RP2: variants seen among roughly 807,000 people sequenced by gnomAD.
The protein encoded by RP2 is protein XRP2.
In RP2, 3 loss-of-function variants were observed where a neutral mutation model predicts 20.3. The observed-to-expected ratio is 0.15, with a 90% CI of 0.07 to 0.38. RP2 has a LOEUF of 0.38. RP2 is among the 10% of genes least tolerant of loss of function. The probability of loss-of-function intolerance (pLI) is 1.00; values close to 1 mark genes in which losing one functional copy is unlikely to be tolerated. For synonymous variants in RP2, 75 were observed against 94.8 expected (o/e 0.79, Z 1.22); for missense variants, 233 against 268.5 (o/e 0.87, Z 0.92).
At chrX:46,844,165 AT>A (rs1385459134) in intron 1 of RP2, among the ~76,000 whole-genome samples, 3 of 111,713 alleles carry the variant, frequency 2.7e-5, no homozygotes, top group South Asian at 3.7e-4. Context: ...AGCTTAGTAC[AT>A]TTTTTTTATT....
intron 1 of RP2, among the ~76,000 whole-genome samples, chrX:46,839,268 AGGGC>A (rs2147075348): frequency 9.0e-6 from 1 of 111,516 alleles, no homozygotes; most frequent in African/African-American, 3.3e-5. Flanking sequence ...ATTTTTTTCT[AGGGC>A]CAGGCATGGT....
At chrX:46,869,059 A>G (rs782581642) in intron 3 of RP2, among the ~76,000 whole-genome samples, 1 of 110,506 alleles carries the variant, frequency 9.0e-6, no homozygotes, top group South Asian at 3.9e-4. Flanking sequence ...AGATCACATC[A>G]CTGCACTCCA....
intron 3 of RP2, among the ~76,000 whole-genome samples, chrX:46,872,219 A>C (rs1022389161): frequency 2.7e-5 from 3 of 112,534 alleles, no homozygotes; most frequent in Admixed American, 1.9e-4. Flanking sequence ...GTAAAGATTT[A>C]TCTTTTTTTC....
At chrX:46,871,680 G>A (rs782339781) in intron 3 of RP2, among the ~76,000 whole-genome samples, 1 of 111,988 alleles carries the variant, frequency 8.9e-6, no homozygotes, top group East Asian at 2.8e-4. Context: ...TTGCTTGGTT[G>A]AATTTTCTAT....
chrX:46,842,167 G>T (rs964320671), intron 1 of RP2, among the ~76,000 whole-genome samples: 7 of 112,056 alleles, frequency 6.2e-5, no homozygotes, highest in Non-Finnish European at 9.4e-5. Context: ...TGCCTGCCTC[G>T]ACCTCTCAAA....
At position 46,840,225 on chromosome X, in the gene RP2, C is replaced by T. The variant is rs1026310461; in HGVS notation, c.102+3023C>T. ...GAACTCCTGACCTCAGGTGATCCAC[C>T]TGCCTCAGCCTCCCAAAGTGCTGGG... On this transcript the variant is annotated intron_variant, in intron 1 of 4. Coordinates refer to ENST00000218340, the MANE Select transcript of RP2 (RefSeq NM_006915.3). Among the ~76,000 whole-genome samples, 8 of 112,416 alleles carry T rather than the reference C, an allele frequency of 7.1e-5. No individual in the cohort carries two copies. In the Admixed American group the frequency reaches 7.5e-4, roughly 11 times the overall value.
chrX:46,865,925 C>CAA (rs782061830), intron 3 of RP2, among the ~76,000 whole-genome samples: 1 of 76,094 alleles, frequency 1.3e-5, no homozygotes, highest in Non-Finnish European at 2.6e-5. Context: ...GACTCTGTCT[C>CAA]AAAAAAAAAA....
intron 3 of RP2, among the ~76,000 whole-genome samples, chrX:46,864,680 A>C (rs781894493): frequency 4.5e-5 from 5 of 111,578 alleles, no homozygotes; most frequent in Non-Finnish European, 9.4e-5. Flanking sequence ...TAAAGTGCTG[A>C]GATTATAGGC....
chrX:46,849,162 G>A (rs782246176), intron 1 of RP2, among the ~76,000 whole-genome samples: 6 of 110,587 alleles, frequency 5.4e-5, no homozygotes, highest in Non-Finnish European at 7.6e-5. Context: ...GCAAAATTAC[G>A]AAGGATTTCA....
At chrX:46,847,929 CATATATATATATAT>C (rs10533014) in intron 1 of RP2, among the ~76,000 whole-genome samples, 1 of 82,382 alleles carries the variant, frequency 1.2e-5, no homozygotes, top group South Asian at 6.7e-4. Flanking sequence ...TGTGTATATA[CATATATATATATAT>C]ATATATATAT....
At chrX:46,871,586 T>C (rs1430957823) in intron 3 of RP2, among the ~76,000 whole-genome samples, 1 of 112,509 alleles carries the variant, frequency 8.9e-6, no homozygotes, top group Non-Finnish European at 1.9e-5. Context: ...CTGTTTTTTA[T>C]ATTAAAATGT....
At chrX:46,878,701 T>C (rs905854858) in intron 4 of RP2, among the ~76,000 whole-genome samples, 1 of 111,370 alleles carries the variant, frequency 9.0e-6, no homozygotes, top group Non-Finnish European at 1.9e-5. Context: ...GGTTAGAATT[T>C]GGACTTTTAG....
At position 46,880,709 on chromosome X, in the gene RP2, T is replaced by G. The variant is rs1217800126; in HGVS notation, c.*940T>G. 1.8e-5 allele frequency: 2 copies of G among 112,316 alleles called. No individual in the cohort carries two copies. Among genetic ancestry groups the G allele is most frequent in the Non-Finnish European group, 3.8e-5 (2 of 53,266 alleles). The allele number at this position is 112,316 out of a possible 1,213,427, so 9.3% of individuals were successfully genotyped here. A position where few individuals can be genotyped will look rare whatever the true frequency, so the allele number is the denominator to read the frequency against. On this transcript the variant is annotated 3_prime_UTR_variant, in exon 5 of 5. Transcript: ENST00000218340. The stretch of plus-strand genomic sequence containing the variant: ...CATTAGATATGCCATTCATATCAAG[T>G]AATGTTCAAGTATGATAAAATTATT...
rs1418109841 is a variant in RP2 at position 46,877,788 on chromosome X, T to G, written c.969+198T>G. ...TGATAAATAATTGGGAACTAAGCTGTGATTTTTTTCTTGCCAAACTAAACT... is the reference window on the plus strand; with the variant it reads ...TGATAAATAATTGGGAACTAAGCTGGGATTTTTTTCTTGCCAAACTAAACT... On this transcript the variant is annotated intron_variant, in intron 4 of 4. Coordinates refer to ENST00000218340, the MANE Select transcript of RP2 (RefSeq NM_006915.3). 2.7e-5 allele frequency among the ~76,000 whole-genome samples: 3 copies of G among 110,118 alleles called. No individual in the cohort carries two copies. The Admixed American group carries it at 3.0e-4, about 11-fold the overall frequency.
At chrX:46,857,244 C>CTAGA (rs1224480275) in intron 2 of RP2, among the ~76,000 whole-genome samples, 1 of 111,448 alleles carries the variant, frequency 9.0e-6, no homozygotes, top group African/African-American at 3.3e-5. Context: ...AGAGAAGTTA[C>CTAGA]TAGACTTTGG....
intron 4 of RP2, among the ~76,000 whole-genome samples, chrX:46,879,090 A>AC (rs1301180284): frequency 5.0e-5 from 5 of 100,666 alleles, no homozygotes; most frequent in African/African-American, 1.8e-4. Context: ...AAAAAAAAAA[A>AC]CTAGCTAGGC....
chrX:46,872,330 G>A (rs1160515478), intron 3 of RP2, among the ~76,000 whole-genome samples: 1 of 112,168 alleles, frequency 8.9e-6, no homozygotes, highest in East Asian at 2.8e-4. Flanking sequence ...GCTGTATTTA[G>A]ACCATTCACA....
At chrX:46,856,429 CACTT>C (rs1472746131) in intron 2 of RP2, among the ~76,000 whole-genome samples, 1 of 111,783 alleles carries the variant, frequency 8.9e-6, no homozygotes, top group Non-Finnish European at 1.9e-5. Context: ...TAATAACTAA[CACTT>C]ACATAGTGTT....
At chrX:46,867,154 G>A (rs1925187112) in intron 3 of RP2, among the ~76,000 whole-genome samples, 1 of 110,686 alleles carries the variant, frequency 9.0e-6, no homozygotes. Flanking sequence ...AGGCTGGAGT[G>A]CAATGGCGTG....
Sources: gnomAD v4.1 joint callset for allele counts (sites outside exome capture counted in the v4.1 genomes callset) on GRCh38, gnomAD v4.1.1 for gene constraint, MANE v1.5 for transcripts, NCBI Gene and HGNC (gene_info 2026-07-23, HGNC 2026-07-21) for gene names.